The following ZER1 variants were observed in gnomAD, a reference collection of about 807,000 sequenced individuals.
ZER1 encodes zyg-11 related cell cycle regulator.
ZER1 carries 11 observed loss-of-function variants against 78.8 expected under a neutral mutation model. The ratio of observed to expected loss-of-function variants is 0.14; its 90% CI spans 0.09 to 0.23. The LOEUF (loss-of-function observed/expected upper bound fraction) is 0.23, where lower values mean the gene tolerates loss of function less well. Ranked by LOEUF, ZER1 falls within the 10% of genes least tolerant of loss-of-function variation. The pLI is 1.00. For missense variants in ZER1, 588 were observed against 996.9 expected, an observed-to-expected ratio of 0.59 and a Z score of 5.52; for synonymous variants, 400 against 407.0, an observed-to-expected ratio of 0.98 and a Z score of 0.21.
chr9:128,762,668 C>T (rs973404484), intron 1 of ZER1, among the ~76,000 whole-genome samples: 3 of 152,150 alleles, frequency 2.0e-5, no homozygotes, highest in Non-Finnish European at 4.4e-5. Context: ...TAATCATTAC[C>T]TTCTCCTACC....
At chr9:128,742,833 C>T (rs904908253) in intron 8 of ZER1, 88 bp from the exon 9 acceptor site, 2 of 1,375,578 alleles carry the variant, frequency 1.5e-6, no homozygotes, top group Admixed American at 2.2e-5. Context: ...ATGAGCTCAT[C>T]CAGAGTTGTG....
intron 14 of ZER1, among the ~76,000 whole-genome samples, chr9:128,734,144 A>AAATATATATATCTATATATATATATAT: frequency 6.9e-5 from 1 of 14,456 alleles, no homozygotes; most frequent in African/African-American, 1.9e-4. Flanking sequence ...AAAAAAAAAA[A>AAATATATATATCTATATATATATATAT]ATATATATAT....
At position 128,754,018 on chromosome 9, in the gene ZER1, A is replaced by G; in HGVS notation, c.159-59T>C. On this transcript the variant is annotated intron_variant, in intron 2 of 15. Coordinates refer to ENST00000291900, the MANE Select transcript of ZER1 (RefSeq NM_006336.4). The surrounding 1 kb of genome is among the most constrained non-coding windows in gnomAD (Gnocchi z 4.3). Reference sequence around the variant, plus strand: ...CCACAGGGACTCTCATCCTCGCTTCAAAGCCAAGCCCTCCTCCCCCTGAAG... The same window carrying G: ...CCACAGGGACTCTCATCCTCGCTTCGAAGCCAAGCCCTCCTCCCCCTGAAG... 6.5e-7 allele frequency: 1 copy of G among 1,537,154 alleles called. No homozygotes were observed. Among genetic ancestry groups the G allele is most frequent in the Non-Finnish European group, 8.8e-7 (1 of 1,137,988 alleles).
intron 13 of ZER1, among the ~76,000 whole-genome samples, chr9:128,738,942 C>T (rs1863190902): frequency 6.6e-6 from 1 of 150,636 alleles, no homozygotes; most frequent in South Asian, 2.1e-4. Context: ...ACCTCTGCCT[C>T]CTGGGTTCAA....
chr9:128,744,738 C>A (rs1246253948), intron 8 of ZER1, among the ~76,000 whole-genome samples: 3 of 152,202 alleles, frequency 2.0e-5, no homozygotes, highest in Non-Finnish European at 4.4e-5. Context: ...CTCAGCCTCC[C>A]AAAGTGCTGG....
intron 8 of ZER1, among the ~76,000 whole-genome samples, chr9:128,748,282 G>A (rs1863561390): frequency 6.6e-6 from 1 of 151,800 alleles, no homozygotes; most frequent in Non-Finnish European, 1.5e-5. Context: ...GCGGGCGCCT[G>A]TAGTCCCAGC....
intron 1 of ZER1, among the ~76,000 whole-genome samples, chr9:128,761,869 G>A (rs1454918423): frequency 6.6e-6 from 1 of 152,158 alleles, no homozygotes; most frequent in African/African-American, 2.4e-5. Flanking sequence ...CTCCCAAAAT[G>A]TTGGGATTAC....
Position 128,740,035 on chromosome 9 carries a change from G to A in ZER1, c.1938C>T (p.Pro646=), listed in dbSNP as rs757400257. 1.4e-5 allele frequency: 22 copies of A among 1,613,996 alleles called. No individual in the cohort carries two copies. The highest frequency in any genetic ancestry group is 4.4e-5 in the South Asian group (4 of 91,056). Residue 646 remains proline, a synonymous_variant, in exon 13 of 16, where the codon CCC becomes CCT. Transcript: ENST00000291900. This position sits in a 1 kb window ranked among gnomAD's most constrained non-coding sequence, Gnocchi z 4.4. The part of the protein sequence containing the change: ...GVLSHIMFDG[P]EAWGVCEPQR... The stretch of plus-strand genomic sequence containing the variant: ...GGGGCTCACAGACGCCCCAGGCCTC[G>A]GGTCCATCAAACATGATGTGGGAGA...
At chr9:128,742,171 A>G (rs1222606306) in intron 9 of ZER1, among the ~76,000 whole-genome samples, 3 of 151,894 alleles carry the variant, frequency 2.0e-5, no homozygotes, top group Non-Finnish European at 2.9e-5. Context: ...CCTTCCTTTC[A>G]CCAGTGATAT....
chr9:128,733,505 T>G lies in ZER1; in HGVS notation c.2164A>C (p.Ile722Leu). The change falls in exon 15 of 16, where the codon ATC becomes CTC. Residue 722 changes from isoleucine to leucine, a missense_variant. By Grantham distance (5) the Ile-to-Leu change is conservative. Transcript: ENST00000291900. ...AGAAGGGGCATCCCCCCTTCTTTGATCAGCAGAGGGCAGTACTTGTCCGCT... is the reference window on the plus strand; with the variant it reads ...AGAAGGGGCATCCCCCCTTCTTTGAGCAGCAGAGGGCAGTACTTGTCCGCT... ...VYPDKYCPLL[I>L]KEGGMPLLRD... The G allele has an allele frequency of 6.2e-7, 1 of 1,613,696 alleles. No individual in the cohort carries two copies. Among genetic ancestry groups the G allele is most frequent in the Non-Finnish European group, 8.5e-7 (1 of 1,179,908 alleles).
chr9:128,761,396 C>T (rs1864040630), intron 1 of ZER1, among the ~76,000 whole-genome samples: 1 of 151,558 alleles, frequency 6.6e-6, no homozygotes, highest in South Asian at 2.1e-4. Flanking sequence ...AAGTTATTCT[C>T]CTGCCTCAGC....
At position 128,755,416 on chromosome 9, in the gene ZER1, G is replaced by C; in HGVS notation, c.150C>G (p.Leu50=). The change falls in exon 2 of 16, where the codon CTC becomes CTG. Residue 50 remains leucine, a synonymous_variant. Transcript: ENST00000291900. The surrounding 1 kb of genome is among the most constrained non-coding windows in gnomAD (Gnocchi z 5.6). ...GCCCTGGGTCTGCTCACTCATTGAC[G>C]AGCCGGTCACAGATCTCGCTGGGCA... ...IFLPSEICDR[L]VNEYVELVNA... is the part of the protein sequence containing the mutation. 6.2e-7 allele frequency: 1 copy of C among 1,613,978 alleles called. No homozygotes were observed. The highest frequency in any genetic ancestry group is 8.5e-7 in the Non-Finnish European group (1 of 1,179,976).
Position 128,739,976 on chromosome 9 carries a change from G to A in ZER1, c.1997C>T (p.Ala666Val). The change falls in exon 13 of 16, where the codon GCC becomes GTC. Residue 666 changes from alanine (A) to valine (V), a missense_variant. Transcript: ENST00000291900. ...AGAGTTTATGTCCCAGCTCTGGATG[G>A]CAGCCCACATGCGTTCCTCCACCTC... ...REEVEERMWAAIQSWDINSRR... is the reference protein window; with the variant it reads ...REEVEERMWAVIQSWDINSRR... 1 of 1,613,372 alleles carries A rather than the reference G, an allele frequency of 6.2e-7. No homozygotes were observed. Among genetic ancestry groups the A allele is most frequent in the Non-Finnish European group, 8.5e-7 (1 of 1,179,398 alleles).
In ZER1 at chr9:128,771,567, G is replaced by T. The variant is rs989151094; in HGVS notation, c.-95+14C>A. On this transcript the variant is annotated intron_variant, in intron 1 of 15. Coordinates refer to ENST00000291900, the MANE Select transcript of ZER1 (RefSeq NM_006336.4). ...GACGCAGGTACGTCCCTTGGCCCGG[G>T]GTCCGGGACCTACCCTGGACGGGGC... 1 of 152,404 alleles carries T rather than the reference G, an allele frequency of 6.6e-6. No individual in the cohort carries two copies. The highest frequency in any genetic ancestry group is 1.5e-5 in the Non-Finnish European group (1 of 68,162). 9.4% of individuals were successfully genotyped at this position (152,404 alleles called of 1,614,324 possible).
intron 9 of ZER1, among the ~76,000 whole-genome samples, chr9:128,742,180 A>G (rs1863324427): frequency 6.6e-6 from 1 of 152,180 alleles, no homozygotes; most frequent in Non-Finnish European, 1.5e-5. Context: ...CACCAGTGAT[A>G]TTTATCATCT....
chr9:128,742,553 C>T lies in ZER1; in HGVS notation c.1552G>A (p.Val518Met), dbSNP rs780973576. 3.1e-6 allele frequency: 5 copies of T among 1,614,178 alleles called. No homozygotes were observed. In the South Asian group the frequency reaches 3.3e-5, roughly 11 times the overall value. Residue 518 changes from valine (V) to methionine (M), a missense_variant, in exon 9 of 16, where the codon GTG (valine) becomes ATG (methionine). Coordinates refer to ENST00000291900, the MANE Select transcript of ZER1 (RefSeq NM_006336.4). ...CQVDNDHKEAVGKMGFVVTML... is the reference protein window; with the variant it reads ...CQVDNDHKEAMGKMGFVVTML... ...ACCACGACAAAGCCCATCTTGCCCA[C>T]GGCCTCCTTGTGGTCGTTGTCTACC...
Position 128,754,092 on chromosome 9 carries a change from G to T in ZER1, c.159-133C>A. 1 of 1,165,612 alleles carries T rather than the reference G, an allele frequency of 8.6e-7. No individual in the cohort carries two copies. Among genetic ancestry groups the T allele is most frequent in the Non-Finnish European group, 1.2e-6 (1 of 835,880 alleles). 72.2% of individuals were successfully genotyped at this position (1,165,612 alleles called of 1,614,324 possible). On this transcript the variant is annotated intron_variant, in intron 2 of 15. Transcript: ENST00000291900. The surrounding 1 kb of genome is among the most constrained non-coding windows in gnomAD (Gnocchi z 4.3). ...CAACCTCCTTCTCCTAAGAGTATCT[G>T]GTCAGATCCTGACTAAACTACCAGT...
rs886369684 is a variant in ZER1 at position 128,740,210 on chromosome 9, A to G, written c.1854-91T>C. On this transcript the variant is annotated intron_variant, in intron 12 of 15. Coordinates refer to ENST00000291900, the MANE Select transcript of ZER1 (RefSeq NM_006336.4). The surrounding 1 kb of genome is among the most constrained non-coding windows in gnomAD (Gnocchi z 4.4). ...GGACCCCAACTTAAAACCAGAAGCA[A>G]GAGGTGCTACTTATTTCTTTATCCC... 2.4e-6 allele frequency: 3 copies of G among 1,272,228 alleles called. No homozygotes were observed. In the Admixed American group the frequency reaches 7.3e-5, roughly 31 times the overall value. The allele number at this position is 1,272,228 out of a possible 1,614,324, so 78.8% of individuals were successfully genotyped here. A position where few individuals can be genotyped will look rare whatever the true frequency, so the allele number is the denominator to read the frequency against.
At chr9:128,734,912 C>T (rs1175021967) in intron 14 of ZER1, among the ~76,000 whole-genome samples, 4 of 151,168 alleles carry the variant, frequency 2.6e-5, no homozygotes, top group Non-Finnish European at 5.9e-5. Flanking sequence ...GGGGGTCTCA[C>T]TATGTTGCTC....
Sources: allele counts gnomAD v4.1 joint callset (sites outside exome capture counted in the v4.1 genomes callset), GRCh38; gene constraint gnomAD v4.1.1; non-coding constraint Gnocchi (gnomAD v3.1); transcripts MANE v1.5; gene names NCBI Gene and HGNC (gene_info 2026-07-23, HGNC 2026-07-21).